Variants in AEBP2 observed in about 807,000 individuals in gnomAD.
AEBP2 encodes the protein zinc finger protein AEBP2.
Under a neutral mutation model 50.8 loss-of-function variants are expected in AEBP2, and 10 were observed. The observed-to-expected ratio is 0.20, with a 90% confidence interval of 0.12 to 0.33. AEBP2 has a LOEUF of 0.33. AEBP2 is among the 10% of genes least tolerant of loss of function. AEBP2 has a pLI of 1.00. For synonymous variants in AEBP2, 296 were observed against 261.3 expected, an observed-to-expected ratio of 1.13 and a Z score of -1.28; for missense variants, 570 against 688.0, an observed-to-expected ratio of 0.83 and a Z score of 1.92.
intron 6 of AEBP2, among the ~76,000 whole-genome samples, chr12:19,513,855 G>T (rs1192660961): frequency 7.0e-6 from 1 of 143,558 alleles, no homozygotes; most frequent in African/African-American, 2.6e-5. Context: ...TTCTTGTAGA[G>T]TTGAATTTCT....
chr12:19,461,510 T>G, intron 1 of AEBP2, among the ~76,000 whole-genome samples: 1 of 152,076 alleles, frequency 6.6e-6, no homozygotes, highest in South Asian at 2.1e-4. Context: ...ATACTTTATT[T>G]TATTTTATTT....
intron 7 of AEBP2, 40 bp downstream of exon 7, chr12:19,514,824 G>T (rs2120622410): frequency 1.3e-6 from 2 of 1,483,706 alleles, no homozygotes; most frequent in South Asian, 2.5e-5. Context: ...TTTTTGATTT[G>T]TAATTTTCTC....
chr12:19,469,767 A>T (rs1592744682), intron 2 of AEBP2, among the ~76,000 whole-genome samples: 1 of 152,114 alleles, frequency 6.6e-6, no homozygotes, highest in East Asian at 2.0e-4. Flanking sequence ...TATTTCTGTT[A>T]TGTCTGATAC....
intron 1 of AEBP2, among the ~76,000 whole-genome samples, chr12:19,452,842 C>A (rs554509297): frequency 6.6e-6 from 1 of 152,044 alleles, no homozygotes; most frequent in Non-Finnish European, 1.5e-5. Context: ...GGAATATCAC[C>A]TGTTAGCTGA....
intron 1 of AEBP2, among the ~76,000 whole-genome samples, chr12:19,410,267 C>G (rs17344841): frequency 6.6e-6 from 1 of 152,166 alleles, no homozygotes; most frequent in Non-Finnish European, 1.5e-5. Flanking sequence ...CAAACCAGCA[C>G]GTGCTCCCAC....
intron 3 of AEBP2, among the ~76,000 whole-genome samples, chr12:19,490,070 C>T (rs1288636652): frequency 8.3e-6 from 1 of 120,382 alleles, no homozygotes; most frequent in African/African-American, 3.1e-5. Context: ...TAGTCTCAAA[C>T]TCCTGGGCTC....
chr12:19,482,315 G>C (rs975631790), intron 3 of AEBP2, among the ~76,000 whole-genome samples: 1 of 152,190 alleles, frequency 6.6e-6, no homozygotes, highest in Non-Finnish European at 1.5e-5. Flanking sequence ...GAGGTGGCAG[G>C]GGAGTGAAGT....
chr12:19,425,683 G>C (rs2095748175), intron 1 of AEBP2, among the ~76,000 whole-genome samples: 1 of 147,594 alleles, frequency 6.8e-6, no homozygotes. Context: ...TGAGACAGGA[G>C]AATCACTTGA....
At chr12:19,454,129 C>T (rs779437948) in intron 1 of AEBP2, among the ~76,000 whole-genome samples, 2 of 151,986 alleles carry the variant, frequency 1.3e-5, no homozygotes, top group Non-Finnish European at 2.9e-5. Flanking sequence ...GAGCTCAAGC[C>T]GTTCGCCGCC....
In AEBP2 at chr12:19,446,467, C is replaced by T. The variant is rs144921431; in HGVS notation, c.671+6097C>T. ...TCTACAGGCGGGACACGGTAGCTCA[C>T]GCCTGTAATCCCAGCACTTTTGGAG... On this transcript the variant is annotated intron_variant, in intron 1 of 7. Coordinates refer to ENST00000266508, the MANE Select transcript of AEBP2 (RefSeq NM_153207.5). Among the ~76,000 whole-genome samples, 625 of 152,198 alleles carry T rather than the reference C, an allele frequency of 4.1e-3. 6 individuals carry two copies. Among genetic ancestry groups the T allele is most frequent in the African/African-American group, 0.014 (592 of 41,538 alleles).
At chr12:19,456,941 G>T in intron 1 of AEBP2, 1 of 1,486,546 alleles carries the variant, frequency 6.7e-7, no homozygotes, top group East Asian at 2.3e-5. Flanking sequence ...ATGTAGTCCA[G>T]AGCCTCAAGC....
chr12:19,475,447 T>C (rs1051451008), intron 3 of AEBP2, among the ~76,000 whole-genome samples: 4 of 151,952 alleles, frequency 2.6e-5, no homozygotes, highest in Non-Finnish European at 4.4e-5. Flanking sequence ...TGTATGTATG[T>C]ATGTGTGTAT....
At chr12:19,488,223 AG>A (rs1484230018) in intron 3 of AEBP2, among the ~76,000 whole-genome samples, 9 of 151,188 alleles carry the variant, frequency 6.0e-5, no homozygotes, top group African/African-American at 1.5e-4. Flanking sequence ...TCCTGGGCTC[AG>A]GTGGTCCTCC....
chr12:19,493,748 C>T (rs1948928743), intron 3 of AEBP2, 52 bp from the exon 4 acceptor site: 3 of 1,533,266 alleles, frequency 2.0e-6, no homozygotes, highest in African/African-American at 1.4e-5. Context: ...TGATATTCTT[C>T]TCGTGCCCTA....
intron 1 of AEBP2, among the ~76,000 whole-genome samples, chr12:19,428,958 A>C (rs1412442821): frequency 6.6e-6 from 1 of 152,184 alleles, no homozygotes; most frequent in Non-Finnish European, 1.5e-5. Flanking sequence ...GGGCAACGTG[A>C]CAAAACCCCA....
At position 19,516,820 on chromosome 12, in the gene AEBP2, AG is replaced by A. The variant is rs1949326188; in HGVS notation, c.1482-1266del. Among the ~76,000 whole-genome samples the A allele has an allele frequency of 2.0e-5, 3 of 152,264 alleles. No individual in the cohort carries two copies. The South Asian group carries it at 6.2e-4, about 32-fold the overall frequency. On this transcript the variant is annotated intron_variant, in intron 7 of 7. Transcript: ENST00000266508. Reference sequence around the variant, plus strand: ...GGTGGGTGGATCACTTGAGGCCAGGAGTTTGAGACCAGCCTGGCCAACATGA... The same window carrying A: ...GGTGGGTGGATCACTTGAGGCCAGGATTTGAGACCAGCCTGGCCAACATGA...
intron 2 of AEBP2, among the ~76,000 whole-genome samples, chr12:19,471,101 T>G (rs1298731786): frequency 6.6e-6 from 1 of 152,132 alleles, no homozygotes; most frequent in Admixed American, 6.5e-5. Flanking sequence ...AGTAACACTT[T>G]GAATCTAGTA....
chr12:19,481,842 T>G (rs1251177558), intron 3 of AEBP2, among the ~76,000 whole-genome samples: 4 of 152,218 alleles, frequency 2.6e-5, no homozygotes, highest in African/African-American at 7.2e-5. Flanking sequence ...TTGCTGTTTC[T>G]TTATGATATT....
chr12:19,483,962 G>C (rs370631270), intron 3 of AEBP2, among the ~76,000 whole-genome samples: 1 of 152,192 alleles, frequency 6.6e-6, no homozygotes, highest in Non-Finnish European at 1.5e-5. Context: ...GCCGTCATCA[G>C]TAATGTTAGA....
Sources: allele counts gnomAD v4.1 joint callset (sites outside exome capture counted in the v4.1 genomes callset), GRCh38; gene constraint gnomAD v4.1.1; transcripts MANE v1.5; gene names NCBI Gene and HGNC (gene_info 2026-07-23, HGNC 2026-07-21).